MGMT: variants seen among roughly 807,000 people sequenced by gnomAD.
MGMT encodes O-6-methylguanine-DNA methyltransferase, also known as methylated-DNA--protein-cysteine methyltransferase.
MGMT carries 14 observed loss-of-function variants against 15.9 expected under a neutral mutation model. The observed-to-expected ratio is 0.88, with a 90% CI of 0.58 to 1.37. MGMT has a LOEUF of 1.37. Among genes scored for constraint, MGMT ranks in the 40% most tolerant of loss-of-function variants. The pLI, the probability that MGMT is intolerant of heterozygous loss-of-function variation, is 0.00. For missense variants in MGMT, 282 were observed against 268.1 expected (o/e 1.05, Z -0.36); for synonymous variants, 130 against 118.2 (o/e 1.10, Z -0.65).
chr10:129,609,022 A>G (rs1373474773), intron 2 of MGMT, among the ~76,000 whole-genome samples: 7 of 152,186 alleles, frequency 4.6e-5, no homozygotes, highest in African/African-American at 1.7e-4. Context: ...TGGCATGGAG[A>G]CAAAGCCTTC....
At chr10:129,617,307 CAT>C (rs1239783813) in intron 2 of MGMT, among the ~76,000 whole-genome samples, 1 of 152,208 alleles carries the variant, frequency 6.6e-6, no homozygotes, top group Non-Finnish European at 1.5e-5. Flanking sequence ...ATATTTACCA[CAT>C]GTTCTTTATC....
chr10:129,587,712 A>G (rs1846633900), intron 2 of MGMT, among the ~76,000 whole-genome samples: 1 of 151,830 alleles, frequency 6.6e-6, no homozygotes, highest in Non-Finnish European at 1.5e-5. Context: ...CTGGGATTAC[A>G]GGTGTGAGCC....
chr10:129,765,678 G>C (rs1472412444), intron 4 of MGMT, among the ~76,000 whole-genome samples: 2 of 152,186 alleles, frequency 1.3e-5, no homozygotes, highest in Admixed American at 1.3e-4. Flanking sequence ...CAAGGCAGGG[G>C]CTGACCATCT....
intron 4 of MGMT, among the ~76,000 whole-genome samples, chr10:129,764,776 A>G (rs1848914454): frequency 6.6e-6 from 1 of 152,234 alleles, no homozygotes; most frequent in Non-Finnish European, 1.5e-5. Flanking sequence ...GGGATCCTGC[A>G]GAAACAGCTG....
At chr10:129,663,105 A>G (rs554192015) in intron 2 of MGMT, among the ~76,000 whole-genome samples, 1 of 152,214 alleles carries the variant, frequency 6.6e-6, no homozygotes, top group Non-Finnish European at 1.5e-5. Context: ...GTTTCTCAAC[A>G]TACATGGAAT....
At chr10:129,673,749 A>G (rs1847752974) in intron 2 of MGMT, among the ~76,000 whole-genome samples, 1 of 152,154 alleles carries the variant, frequency 6.6e-6, no homozygotes, top group Admixed American at 6.5e-5. Context: ...GGATGTATGT[A>G]TTTTTTGGAT....
At chr10:129,630,002 C>T (rs188706288) in intron 2 of MGMT, among the ~76,000 whole-genome samples, 6 of 152,342 alleles carry the variant, frequency 3.9e-5, no homozygotes, top group Middle Eastern at 3.4e-3. Context: ...CGGATCTGCC[C>T]GTGGAGTGAT....
intron 2 of MGMT, among the ~76,000 whole-genome samples, chr10:129,544,864 T>C (rs550708731): frequency 6.6e-6 from 1 of 152,350 alleles, no homozygotes; most frequent in East Asian, 1.9e-4. Flanking sequence ...TTTCTGACAG[T>C]ATCCCACAGA....
At chr10:129,571,307 C>G (rs1356610168) in intron 2 of MGMT, among the ~76,000 whole-genome samples, 1 of 152,158 alleles carries the variant, frequency 6.6e-6, no homozygotes, top group Non-Finnish European at 1.5e-5. Context: ...GTAATAAACA[C>G]CCCTAAGTCT....
chr10:129,716,249 C>T (rs1373267594), intron 3 of MGMT, among the ~76,000 whole-genome samples: 2 of 152,160 alleles, frequency 1.3e-5, no homozygotes, highest in South Asian at 2.1e-4. Context: ...TTGGTAACGC[C>T]CAGGAAGCAC....
intron 2 of MGMT, among the ~76,000 whole-genome samples, chr10:129,702,960 G>A (rs556447944): frequency 1.3e-5 from 2 of 152,210 alleles, no homozygotes; most frequent in African/African-American, 2.4e-5. Context: ...AGGGCCGAGC[G>A]CGGCAGGGAA....
chr10:129,529,435 C>T (rs1845906239), intron 1 of MGMT, among the ~76,000 whole-genome samples: 1 of 152,106 alleles, frequency 6.6e-6, no homozygotes, highest in East Asian at 1.9e-4. Flanking sequence ...GCACAGTTCA[C>T]AATAGGCTTC....
At chr10:129,662,017 A>C (rs1346409685) in intron 2 of MGMT, among the ~76,000 whole-genome samples, 1 of 152,016 alleles carries the variant, frequency 6.6e-6, no homozygotes, top group African/African-American at 2.4e-5. Flanking sequence ...GTCCATTGCT[A>C]TTCCTGGGCC....
intron 1 of MGMT, among the ~76,000 whole-genome samples, chr10:129,484,926 G>A (rs1412562307): frequency 1.3e-5 from 2 of 151,656 alleles, no homozygotes; most frequent in Non-Finnish European, 2.9e-5. Context: ...ATGTGTGTGT[G>A]TATTATATAT....
At chr10:129,493,041 G>A (rs1157465002) in intron 1 of MGMT, among the ~76,000 whole-genome samples, 3 of 152,114 alleles carry the variant, frequency 2.0e-5, no homozygotes, top group African/African-American at 7.2e-5. Context: ...TGGGCTTTGT[G>A]GTTTTCATCT....
At chr10:129,732,707 G>T (rs28832353) in intron 3 of MGMT, among the ~76,000 whole-genome samples, 9 of 104,484 alleles carry the variant, frequency 8.6e-5, no homozygotes, top group Non-Finnish European at 1.7e-4. Flanking sequence ...TCCCTCCCCC[G>T]TCCCCCCACC....
chr10:129,504,649 C>T (rs973211381), intron 1 of MGMT, among the ~76,000 whole-genome samples: 5 of 152,192 alleles, frequency 3.3e-5, no homozygotes, highest in Non-Finnish European at 5.9e-5. Context: ...TTGAGAAGGA[C>T]TAGAGAGGAT....
chr10:129,730,660 T>A (rs943508167), intron 3 of MGMT, among the ~76,000 whole-genome samples: 1 of 152,218 alleles, frequency 6.6e-6, no homozygotes, highest in South Asian at 2.1e-4. Flanking sequence ...TTGACTGCGC[T>A]GAGGTCCATG....
intron 1 of MGMT, among the ~76,000 whole-genome samples, chr10:129,520,867 ACAGAGCCCCTACAGTGCGGGTG>A (rs1218576645): frequency 1.4e-5 from 2 of 141,360 alleles, no homozygotes; most frequent in Non-Finnish European, 3.1e-5. Flanking sequence ...TGGTGCGGGT[ACAGAGCCCCTACAGTGCGGGTG>A]CAGAGCCCCT....
Sources: allele counts gnomAD v4.1 joint callset (sites outside exome capture counted in the v4.1 genomes callset), GRCh38; gene constraint gnomAD v4.1.1; transcripts MANE v1.5; gene names NCBI Gene and HGNC (gene_info 2026-07-23, HGNC 2026-07-21).